Variants in EPHA7 observed in about 807,000 individuals in gnomAD.
EPHA7 encodes EPH receptor A7.
EPHA7 carries 25 observed loss-of-function variants against 112.6 expected under a neutral mutation model. The ratio of observed to expected loss-of-function variants is 0.22; its 90% confidence interval spans 0.16 to 0.31. EPHA7 has a LOEUF of 0.31. Ranked by LOEUF, EPHA7 falls within the 10% of genes least tolerant of loss-of-function variation. EPHA7 has a pLI of 1.00. For missense variants in EPHA7, 962 were observed against 1,212.6 expected, an observed-to-expected ratio of 0.79 and a Z score of 3.07; for synonymous variants, 437 against 406.5, an observed-to-expected ratio of 1.07 and a Z score of -0.90.
chr6:93,286,145 T>TACAC (rs111975905), intron 5 of EPHA7, among the ~76,000 whole-genome samples: 17 of 150,092 alleles, frequency 1.1e-4, no homozygotes, highest in South Asian at 4.2e-4. Context: ...TGTTTTTCCT[T>TACAC]ACACACACAC....
At chr6:93,249,938 A>T (rs2631558) in intron 14 of EPHA7, among the ~76,000 whole-genome samples, 14,686 of 152,132 alleles carry the variant, frequency 0.097, 789 homozygotes, top group Admixed American at 0.14. Context: ...AAAATAAGTT[A>T]ATGAACCTCT....
intron 5 of EPHA7, among the ~76,000 whole-genome samples, chr6:93,273,267 A>C (rs557007010): frequency 6.6e-6 from 1 of 151,940 alleles, no homozygotes; most frequent in South Asian, 2.1e-4. Context: ...CTAGTTGTCT[A>C]CTCTGTCTAA....
intron 5 of EPHA7, among the ~76,000 whole-genome samples, chr6:93,317,417 G>A (rs1773865185): frequency 6.6e-6 from 1 of 152,044 alleles, no homozygotes; most frequent in Admixed American, 6.6e-5. Flanking sequence ...TAAATTGGGG[G>A]AACACACTTC....
At chr6:93,381,722 T>G (rs563246829) in intron 3 of EPHA7, among the ~76,000 whole-genome samples, 2 of 75,162 alleles carry the variant, frequency 2.7e-5, no homozygotes, top group African/African-American at 1.1e-4. Flanking sequence ...GATTTTTTTC[T>G]TTTTATTTCT....
At chr6:93,379,005 T>A (rs1360110698) in intron 3 of EPHA7, among the ~76,000 whole-genome samples, 1 of 152,084 alleles carries the variant, frequency 6.6e-6, no homozygotes, top group Non-Finnish European at 1.5e-5. Flanking sequence ...GAAATGGAGA[T>A]GAAAAACACA....
chr6:93,319,420 T>G (rs1773960389), intron 5 of EPHA7, among the ~76,000 whole-genome samples: 1 of 152,040 alleles, frequency 6.6e-6, no homozygotes, highest in South Asian at 2.1e-4. Context: ...TGGTGTGTTT[T>G]AAGGATTAGT....
At chr6:93,285,627 C>A (rs1057104111) in intron 5 of EPHA7, among the ~76,000 whole-genome samples, 2 of 151,550 alleles carry the variant, frequency 1.3e-5, no homozygotes, top group Non-Finnish European at 2.9e-5. Context: ...GATGCAGTTG[C>A]TTCAATTACA....
At chr6:93,401,356 A>G (rs960312956) in intron 3 of EPHA7, among the ~76,000 whole-genome samples, 7 of 152,140 alleles carry the variant, frequency 4.6e-5, no homozygotes, top group African/African-American at 1.7e-4. Flanking sequence ...ATTAAATAAT[A>G]AACCTTCCAT....
chr6:93,390,310 T>C (rs1004228878), intron 3 of EPHA7, among the ~76,000 whole-genome samples: 1 of 150,792 alleles, frequency 6.6e-6, no homozygotes, highest in Non-Finnish European at 1.5e-5. Context: ...AAAACAAATA[T>C]GAAATACTTA....
chr6:93,417,115 C>T (rs9452309), intron 1 of EPHA7, among the ~76,000 whole-genome samples: 7,590 of 152,240 alleles, frequency 0.05, 624 homozygotes, highest in African/African-American at 0.17. Context: ...AGCAGCTGCA[C>T]TTTGCCTTCA....
At chr6:93,400,476 C>A (rs1778385428) in intron 3 of EPHA7, among the ~76,000 whole-genome samples, 1 of 152,010 alleles carries the variant, frequency 6.6e-6, no homozygotes, top group East Asian at 1.9e-4. Flanking sequence ...ATCCATTCAC[C>A]CCTAATCCCT....
intron 5 of EPHA7, among the ~76,000 whole-genome samples, chr6:93,298,310 A>G (rs1310493335): frequency 6.6e-6 from 1 of 152,162 alleles, no homozygotes. Flanking sequence ...AAATTTTAAC[A>G]TAAAATTTAA....
At chr6:93,411,526 T>C (rs1442421721) in intron 2 of EPHA7, among the ~76,000 whole-genome samples, 1 of 152,186 alleles carries the variant, frequency 6.6e-6, no homozygotes, top group Admixed American at 6.5e-5. Flanking sequence ...TGAAAGTATA[T>C]ACATATGGAT....
In EPHA7 at chr6:93,274,733, T is replaced by C. The variant is rs540315521; in HGVS notation, c.1325-2311A>G. The stretch of plus-strand genomic sequence containing the variant: ...GGCCCTTGAGAATGGATAAACTGCA[T>C]GATAGGAAAAATCTCTCTCTGTCTA... On this transcript the variant is annotated intron_variant, in intron 5 of 16. Transcript: ENST00000369303. 2.6e-5 allele frequency among the ~76,000 whole-genome samples: 4 copies of C among 151,850 alleles called. No homozygotes were observed. In the South Asian group the frequency reaches 6.2e-4, roughly 24 times the overall value.
At chr6:93,322,029 A>G (rs1403155889) in intron 5 of EPHA7, among the ~76,000 whole-genome samples, 1 of 151,800 alleles carries the variant, frequency 6.6e-6, no homozygotes, top group African/African-American at 2.4e-5. Flanking sequence ...GTGAAGATTC[A>G]TTGAATTAAT....
In EPHA7 at chr6:93,359,854, T is replaced by TAGAGAGAGAGAGAGAGAGAGAG. The variant is rs57690732; in HGVS notation, c.833-1465_833-1444dup. Among the ~76,000 whole-genome samples the TAGAGAGAGAGAGAGAGAGAGAG allele has an allele frequency of 9.6e-5, 12 of 125,300 alleles. 1 individual carries two copies. Among genetic ancestry groups the TAGAGAGAGAGAGAGAGAGAGAG allele is most frequent in the Admixed American group, 5.0e-4 (6 of 11,978 alleles). 82.2% of individuals were successfully genotyped at this position (125,300 alleles called of 152,430 possible). A position where few individuals can be genotyped will look rare whatever the true frequency, so the allele number is the denominator to read the frequency against. On this transcript the variant is annotated intron_variant, in intron 3 of 16. Transcript: ENST00000369303. ...TATAGATCCATCGATCAATAGATGA[T>TAGAGAGAGAGAGAGAGAGAGAG]AGAGAGAGAGAGAGAGAGAGAGATA...
intron 5 of EPHA7, among the ~76,000 whole-genome samples, chr6:93,336,444 C>T (rs1774874793): frequency 6.6e-6 from 1 of 152,112 alleles, no homozygotes; most frequent in South Asian, 2.1e-4. Context: ...ATTATGTTGC[C>T]CAGGCTGGAG....
intron 5 of EPHA7, among the ~76,000 whole-genome samples, chr6:93,305,522 T>C (rs1773211942): frequency 6.6e-6 from 1 of 151,938 alleles, no homozygotes; most frequent in South Asian, 2.1e-4. Flanking sequence ...GAAAGAAATA[T>C]TTCCTGGTAA....
At chr6:93,275,289 T>G (rs926533476) in intron 5 of EPHA7, among the ~76,000 whole-genome samples, 1 of 151,908 alleles carries the variant, frequency 6.6e-6, no homozygotes, top group South Asian at 2.1e-4. Context: ...TAATAAATAG[T>G]AACCAACAAC....
Sources: gnomAD v4.1 joint callset for allele counts (sites outside exome capture counted in the v4.1 genomes callset) on GRCh38, gnomAD v4.1.1 for gene constraint, MANE v1.5 for transcripts, NCBI Gene and HGNC (gene_info 2026-07-23, HGNC 2026-07-21) for gene names.